The following SSH2 variants were observed in gnomAD, a reference collection of about 807,000 sequenced individuals.
SSH2 encodes the protein slingshot protein phosphatase 2, also known as protein phosphatase Slingshot homolog 2.
Under a neutral mutation model 135.2 loss-of-function variants are expected in SSH2, and 37 were observed. The ratio of observed to expected loss-of-function variants is 0.27; its 90% CI spans 0.21 to 0.36. SSH2 has a LOEUF of 0.36. Among genes scored for constraint, SSH2 ranks in the 10% least tolerant of loss-of-function variants. The pLI is 1.00. For synonymous variants in SSH2, 628 were observed against 646.2 expected, an observed-to-expected ratio of 0.97 and a Z score of 0.43; for missense variants, 1,408 against 1,765.3, an observed-to-expected ratio of 0.80 and a Z score of 3.63.
intron 3 of SSH2, among the ~76,000 whole-genome samples, chr17:29,710,733 A>G (rs141436208): frequency 0.014 from 2,082 of 152,334 alleles, 22 homozygotes; most frequent in Middle Eastern, 0.027. Flanking sequence ...ACTAATGCCT[A>G]ATGAAAAAAT....
At chr17:29,829,338 CT>C (rs2042798564) in intron 2 of SSH2, among the ~76,000 whole-genome samples, 1 of 152,134 alleles carries the variant, frequency 6.6e-6, no homozygotes, top group Admixed American at 6.6e-5. Flanking sequence ...ATATACATTC[CT>C]TACCACCACA....
chr17:29,774,540 C>T (rs1252963493), intron 3 of SSH2, among the ~76,000 whole-genome samples: 2 of 152,214 alleles, frequency 1.3e-5, no homozygotes, highest in Non-Finnish European at 2.9e-5. Flanking sequence ...GTTGGGATTA[C>T]AGGCATAAGC....
chr17:29,908,763 GAAAAAAAAAAAA>G (rs60242323), intron 1 of SSH2, among the ~76,000 whole-genome samples: 21 of 50,878 alleles, frequency 4.1e-4, no homozygotes, highest in Middle Eastern at 0.017. Context: ...GACTCCATCT[GAAAAAAAAAAAA>G]AAAAAAAAAA....
rs554244257 is a variant in SSH2, at chr17:29,834,541, G to A, written c.144+14308C>T. 9.2e-5 allele frequency among the ~76,000 whole-genome samples: 14 copies of A among 152,120 alleles called. No individual in the cohort carries two copies. The East Asian group carries it at 1.5e-3, about 17-fold the overall frequency. Reference sequence around the variant, plus strand: ...GTGTTGAAAGTCTTTTTCCCAACCTGTGGTTTTGACTTTGTTTATAAGATC... The same window carrying A: ...GTGTTGAAAGTCTTTTTCCCAACCTATGGTTTTGACTTTGTTTATAAGATC... On this transcript the variant is annotated intron_variant, in intron 2 of 15. Transcript: ENST00000540801.
rs551426544 is a variant in SSH2 at position 29,752,942 on chromosome 17, C to T, written c.188+40952G>A. 3.3e-5 allele frequency among the ~76,000 whole-genome samples: 5 copies of T among 152,122 alleles called. No individual in the cohort carries two copies. The South Asian group carries it at 1.0e-3, about 32-fold the overall frequency. ...AGAGAGGTATTTAAGAGCAGGGACTCTGGAGTCTGACTGCCTGTGTATGCA... is the reference window on the plus strand; with the variant it reads ...AGAGAGGTATTTAAGAGCAGGGACTTTGGAGTCTGACTGCCTGTGTATGCA... On this transcript the variant is annotated intron_variant, in intron 3 of 15. Coordinates refer to ENST00000540801, the MANE Select transcript of SSH2 (RefSeq NM_001282129.2).
intron 1 of SSH2, chr17:29,929,720 G>C: frequency 1.7e-6 from 1 of 593,958 alleles, no homozygotes. Flanking sequence ...CGAGGATTGT[G>C]AGGAGCTAGG....
At chr17:29,925,362 T>G (rs2067046016) in intron 1 of SSH2, 2 of 392,130 alleles carry the variant, frequency 5.1e-6, no homozygotes, top group South Asian at 1.4e-4. Flanking sequence ...ACAGGAGGAG[T>G]AAGTTATGAA....
intron 3 of SSH2, among the ~76,000 whole-genome samples, chr17:29,763,727 T>C (rs556035954): frequency 6.6e-6 from 1 of 152,324 alleles, no homozygotes; most frequent in African/African-American, 2.4e-5. Flanking sequence ...AAAGATTTCA[T>C]AAATATGTAT....
chr17:29,764,142 G>C (rs2041390273), intron 3 of SSH2, among the ~76,000 whole-genome samples: 1 of 151,960 alleles, frequency 6.6e-6, no homozygotes, highest in African/African-American at 2.4e-5. Context: ...GTAGAAACAG[G>C]GTTTCACCAT....
chr17:29,668,048 AGAG>A (rs2037349010), intron 9 of SSH2, among the ~76,000 whole-genome samples: 1 of 152,244 alleles, frequency 6.6e-6, no homozygotes, highest in Non-Finnish European at 1.5e-5. Context: ...AGGTTGACAG[AGAG>A]TACTTTGTTT....
intron 3 of SSH2, among the ~76,000 whole-genome samples, chr17:29,757,629 T>G (rs868449735): frequency 6.6e-6 from 1 of 150,868 alleles, no homozygotes; most frequent in Middle Eastern, 3.4e-3. Flanking sequence ...GGTAGCGCAC[T>G]CCTGCAATCC....
chr17:29,803,995 C>T (rs935815885), intron 2 of SSH2, among the ~76,000 whole-genome samples: 2 of 152,150 alleles, frequency 1.3e-5, no homozygotes, highest in Non-Finnish European at 2.9e-5. Flanking sequence ...TTGGAAGAGG[C>T]TCAGACATGA....
At chr17:29,761,102 CAA>C in intron 3 of SSH2, 1 of 1,286,630 alleles carries the variant, frequency 7.8e-7, no homozygotes, top group Non-Finnish European at 1.0e-6. Flanking sequence ...GCTGAAAGAG[CAA>C]ACTTTCTGAG....
intron 2 of SSH2, among the ~76,000 whole-genome samples, chr17:29,847,964 G>A (rs111788325): frequency 5.3e-5 from 8 of 152,290 alleles, no homozygotes; most frequent in African/African-American, 1.9e-4. Flanking sequence ...GAGCCCACAC[G>A]TTGCAGACTC....
intron 3 of SSH2, among the ~76,000 whole-genome samples, chr17:29,747,658 C>G (rs1296199476): frequency 6.6e-6 from 1 of 152,230 alleles, no homozygotes; most frequent in Non-Finnish European, 1.5e-5. Context: ...AAAGCTAACT[C>G]TAACCCTAAC....
chr17:29,684,532 G>C, intron 6 of SSH2, 31 bp downstream of exon 6: 1 of 1,510,686 alleles, frequency 6.6e-7, no homozygotes, highest in Non-Finnish European at 9.0e-7. Context: ...TTAAAAAGCA[G>C]TTTTCACATT....
At chr17:29,767,926 T>C (rs1020690268) in intron 3 of SSH2, among the ~76,000 whole-genome samples, 1 of 152,186 alleles carries the variant, frequency 6.6e-6, no homozygotes, top group Non-Finnish European at 1.5e-5. Context: ...TGTGCATACA[T>C]GTGAATATAC....
intron 14 of SSH2, among the ~76,000 whole-genome samples, chr17:29,646,794 G>A (rs1179223331): frequency 2.0e-5 from 3 of 151,568 alleles, no homozygotes; most frequent in African/African-American, 2.4e-5. Context: ...CACCACGCCC[G>A]GCCAAAATAT....
chr17:29,809,931 C>T (rs1373927969), intron 2 of SSH2, among the ~76,000 whole-genome samples: 1 of 152,060 alleles, frequency 6.6e-6, no homozygotes, highest in Non-Finnish European at 1.5e-5. Flanking sequence ...GGACTGGGTT[C>T]CACGGTCTTT....
Sources: allele counts gnomAD v4.1 joint callset (sites outside exome capture counted in the v4.1 genomes callset), GRCh38; gene constraint gnomAD v4.1.1; transcripts MANE v1.5; gene names NCBI Gene and HGNC (gene_info 2026-07-23, HGNC 2026-07-21).